CYTH3: variants seen among roughly 807,000 people sequenced by gnomAD.
The protein encoded by CYTH3 is cytohesin-3.
In CYTH3, 23 loss-of-function variants were observed where a neutral mutation model predicts 55.1. That is an observed-to-expected ratio of 0.42 (90% CI 0.30 to 0.59). CYTH3 has a LOEUF of 0.59. CYTH3 is among the 20% of genes least tolerant of loss of function. CYTH3 has a pLI of 0.20. For missense variants in CYTH3, 413 were observed against 524.8 expected, an observed-to-expected ratio of 0.79 and a Z score of 2.08; for synonymous variants, 249 against 194.9, an observed-to-expected ratio of 1.28 and a Z score of -2.31.
chr7:6,203,779 C>A (rs1300683445), intron 1 of CYTH3, among the ~76,000 whole-genome samples: 1 of 151,748 alleles, frequency 6.6e-6, no homozygotes, highest in Non-Finnish European at 1.5e-5. Flanking sequence ...AATGCAATGG[C>A]CCAATCTCGG....
rs1486622236 is a variant in CYTH3 at position 6,167,183 on chromosome 7, C to A, written c.824-1373G>T. ...TTGCCCTCGTGTCCCTGTCTCACCGCGGGCTCCATGCTCTCTGCAAGCCCT... is the reference window on the plus strand; with the variant it reads ...TTGCCCTCGTGTCCCTGTCTCACCGAGGGCTCCATGCTCTCTGCAAGCCCT... On this transcript the variant is annotated intron_variant, in intron 9 of 12. Transcript: ENST00000350796. The surrounding 1 kb of genome is among the most constrained non-coding windows in gnomAD (Gnocchi z 5.5). 1.3e-5 allele frequency among the ~76,000 whole-genome samples: 2 copies of A among 152,162 alleles called. No homozygotes were observed. Among genetic ancestry groups the A allele is most frequent in the African/African-American group, 4.8e-5 (2 of 41,428 alleles).
chr7:6,225,824 C>T (rs935358345), intron 1 of CYTH3, among the ~76,000 whole-genome samples: 3 of 151,934 alleles, frequency 2.0e-5, no homozygotes, highest in South Asian at 2.1e-4. Context: ...AGATTACAGG[C>T]GTGTGTCACC....
chr7:6,233,214 G>A (rs962972811), intron 1 of CYTH3, among the ~76,000 whole-genome samples: 1 of 152,084 alleles, frequency 6.6e-6, no homozygotes, highest in Non-Finnish European at 1.5e-5. Context: ...ATCTCCAATA[G>A]GACTGCAGAT....
rs201641338 is a variant in CYTH3, at chr7:6,170,881, G to A, written c.660C>T (p.Ala220=). Residue 220 remains alanine (A), a synonymous_variant, in exon 8 of 13, where the codon GCC becomes GCT. Transcript: ENST00000350796. The surrounding 1 kb of genome is among the most constrained non-coding windows in gnomAD (Gnocchi z 7.8). The part of the protein sequence containing the change: ...RDKPTAERFI[A]MNRGINEGGD... ...CGCCCTCGTTGATGCCGCGGTTCAT[G>A]GCGATGAACCGTTCTGCCGTGGGCT... is the stretch of plus-strand genomic sequence containing the variant. 3.1e-6 allele frequency: 5 copies of A among 1,613,818 alleles called. No homozygotes were observed. The East Asian group carries it at 6.7e-5, about 22-fold the overall frequency.
At chr7:6,264,089 A>G (rs111582030) in intron 1 of CYTH3, among the ~76,000 whole-genome samples, 8 of 152,160 alleles carry the variant, frequency 5.3e-5, no homozygotes, top group African/African-American at 1.7e-4. Flanking sequence ...GCTACTAAAA[A>G]TGCAAAAATT....
At position 6,170,658 on chromosome 7, in the gene CYTH3, G is replaced by A. The variant is rs752880303; in HGVS notation, c.712-12C>T. The A allele has an allele frequency of 6.2e-7, 1 of 1,610,954 alleles. No homozygotes were observed. The highest frequency in any genetic ancestry group is 1.3e-5 in the African/African-American group (1 of 74,892). ...CTCTCATACAAATTCTGCAAGGAGG[G>A]AAAACAGCAGCCAGTTCAGAGACTC... On this transcript the variant is annotated splice_polypyrimidine_tract_variant and intron_variant, in intron 8 of 12. Coordinates refer to ENST00000350796, the MANE Select transcript of CYTH3 (RefSeq NM_004227.4). The surrounding 1 kb of genome is among the most constrained non-coding windows in gnomAD (Gnocchi z 7.8).
chr7:6,176,331 G>T (rs1783350828), intron 5 of CYTH3, among the ~76,000 whole-genome samples: 1 of 128,658 alleles, frequency 7.8e-6, no homozygotes, highest in African/African-American at 3.0e-5. Context: ...GCACCATCTT[G>T]GCTCACTGCA....
rs1783148772 is a variant in CYTH3 at position 6,170,526 on chromosome 7, G to A, written c.823+9C>T. ...GTCACGCCCGGGTCCCGCTGGGCCG[G>A]CGGCTCACCCAGCTTCAGGAGCCAG... On this transcript the variant is annotated intron_variant, in intron 9 of 12. Transcript: ENST00000350796. This position sits in a 1 kb window ranked among gnomAD's most constrained non-coding sequence, Gnocchi z 7.8. The A allele has an allele frequency of 1.9e-6, 3 of 1,613,128 alleles. No homozygotes were observed. Among genetic ancestry groups the A allele is most frequent in the Non-Finnish European group, 2.5e-6 (3 of 1,179,446 alleles).
intron 1 of CYTH3, among the ~76,000 whole-genome samples, chr7:6,228,722 C>A (rs1779312865): frequency 6.6e-6 from 1 of 152,184 alleles, no homozygotes; most frequent in Non-Finnish European, 1.5e-5. Context: ...CTCCCACAGA[C>A]CAGATCCACA....
At chr7:6,241,578 T>C (rs1779673596) in intron 1 of CYTH3, among the ~76,000 whole-genome samples, 1 of 151,740 alleles carries the variant, frequency 6.6e-6, no homozygotes, top group Non-Finnish European at 1.5e-5. Context: ...CTCTCTCAGA[T>C]AAATGTGTAA....
chr7:6,163,223 G>A lies in CYTH3; in HGVS notation c.*1721C>T, dbSNP rs1047418823. 4.6e-5 allele frequency: 7 copies of A among 152,440 alleles called. No homozygotes were observed. The highest frequency in any genetic ancestry group is 1.4e-4 in the African/African-American group (6 of 41,468). The allele number at this position is 152,440 out of a possible 1,614,324, so 9.4% of individuals were successfully genotyped here. On this transcript the variant is annotated 3_prime_UTR_variant, in exon 13 of 13. Coordinates refer to ENST00000350796, the MANE Select transcript of CYTH3 (RefSeq NM_004227.4). ...GGAGGCGAAGGGCCCGCAGCCGCTC[G>A]GCCTCCACTTCAAGGCAACTCAAAG...
At chr7:6,182,685 A>T (rs1472257927) in intron 4 of CYTH3, among the ~76,000 whole-genome samples, 1 of 151,940 alleles carries the variant, frequency 6.6e-6, no homozygotes, top group African/African-American at 2.4e-5. Context: ...TTTTTTAAAA[A>T]AACTGTTTAT....
At chr7:6,185,505 GCTA>G (rs1783615830) in intron 4 of CYTH3, among the ~76,000 whole-genome samples, 1 of 152,050 alleles carries the variant, frequency 6.6e-6, no homozygotes, top group Non-Finnish European at 1.5e-5. Context: ...GACCATCCTA[GCTA>G]ACACAGTGAA....
At chr7:6,234,366 A>C (rs1779464374) in intron 1 of CYTH3, among the ~76,000 whole-genome samples, 1 of 152,214 alleles carries the variant, frequency 6.6e-6, no homozygotes, top group Admixed American at 6.5e-5. Flanking sequence ...CAAGAATTGA[A>C]AACTCACTGG....
chr7:6,251,489 T>G (rs1044323354), intron 1 of CYTH3, among the ~76,000 whole-genome samples: 1 of 151,950 alleles, frequency 6.6e-6, no homozygotes, highest in Non-Finnish European at 1.5e-5. Context: ...CAGTGTAAAA[T>G]AGGAAAGGAT....
At chr7:6,259,757 T>TG (rs1554255069) in intron 1 of CYTH3, among the ~76,000 whole-genome samples, 1 of 37,466 alleles carries the variant, frequency 2.7e-5, no homozygotes, top group Non-Finnish European at 3.7e-5. Flanking sequence ...TATATATATA[T>TG]TATATATATA....
At chr7:6,234,138 G>A (rs893526356) in intron 1 of CYTH3, among the ~76,000 whole-genome samples, 2 of 152,074 alleles carry the variant, frequency 1.3e-5, no homozygotes, top group Admixed American at 6.5e-5. Context: ...TTTCTAAATC[G>A]CAGAACTGAT....
chr7:6,165,510 C>A (rs1250086280), intron 11 of CYTH3, 35 bp downstream of exon 11: 8 of 1,610,708 alleles, frequency 5.0e-6, no homozygotes, highest in Non-Finnish European at 6.8e-6. Flanking sequence ...TCCCAGGTGG[C>A]TGGCAGGAGA....
chr7:6,270,878 T>C (rs906570218), intron 1 of CYTH3, among the ~76,000 whole-genome samples: 4 of 152,214 alleles, frequency 2.6e-5, no homozygotes, highest in African/African-American at 9.7e-5. Flanking sequence ...TTTTCCTCTT[T>C]ATTCCTGCTT....
Sources: gnomAD v4.1 joint callset for allele counts (sites outside exome capture counted in the v4.1 genomes callset) on GRCh38, gnomAD v4.1.1 for gene constraint, Gnocchi (gnomAD v3.1) non-coding constraint, MANE v1.5 for transcripts, NCBI Gene and HGNC (gene_info 2026-07-23, HGNC 2026-07-21) for gene names.